Variants in PCDHGA12 observed in about 807,000 individuals in gnomAD.
The protein encoded by PCDHGA12 is protocadherin gamma-A12.
In PCDHGA12, 43 loss-of-function variants were observed where a neutral mutation model predicts 61.1. The observed-to-expected ratio is 0.70, with a 90% CI of 0.55 to 0.91. The LOEUF is 0.91. Ranked by LOEUF, PCDHGA12 falls within the 40% of genes least tolerant of loss-of-function variation. PCDHGA12 has a pLI of 0.00. For missense variants in PCDHGA12, 1,236 were observed against 1,227.7 expected (o/e 1.01, Z -0.10); for synonymous variants, 520 against 542.9 (o/e 0.96, Z 0.59).
chr5:141,510,083 G>A (rs2099879432), intron 3 of PCDHGA12, among the ~76,000 whole-genome samples: 1 of 152,104 alleles, frequency 6.6e-6, no homozygotes, highest in Non-Finnish European at 1.5e-5. Flanking sequence ...CAGAGTGCCT[G>A]GCACACAGTA....
At chr5:141,481,647 A>C (rs749515062) in intron 1 of PCDHGA12, among the ~76,000 whole-genome samples, 28 of 151,830 alleles carry the variant, frequency 1.8e-4, no homozygotes, top group African/African-American at 6.5e-4. Context: ...GTGAAACTTC[A>C]TCTCTACTAA....
intron 2 of PCDHGA12, among the ~76,000 whole-genome samples, chr5:141,500,877 A>AT (rs369345007): frequency 0.053 from 6,532 of 122,188 alleles, 326 homozygotes; most frequent in Admixed American, 0.19. Context: ...TTCATTTACA[A>AT]TTTTTTTTTT....
chr5:141,512,275 A>G lies in PCDHGA12; in HGVS notation c.*1102A>G, dbSNP rs368275103. 1 of 152,730 alleles carries G rather than the reference A, an allele frequency of 6.5e-6. No individual in the cohort carries two copies. The highest frequency in any genetic ancestry group is 2.1e-4 in the South Asian group (1 of 4,824). The allele number at this position is 152,730 out of a possible 1,614,324, so 9.5% of individuals were successfully genotyped here. ...GGGTGCTGGGTACTCCAGAGGTGCC[A>G]CTGGTGGAAGGGTCAGCGGAGCCCC... On this transcript the variant is annotated 3_prime_UTR_variant, in exon 4 of 4. Transcript: ENST00000252085.
chr5:141,430,844 A>C lies in PCDHGA12; in HGVS notation c.85A>C (p.Thr29Pro). The change falls in exon 1 of 4, where the codon ACC becomes CCC. Residue 29 changes from threonine (T) to proline (P), a missense_variant. Transcript: ENST00000252085. ...GGGGACTCTGTGGGAGACCGGATGC[A>C]CCCAGATACGCTATTCAGTTCCGGA... ...LLGTLWETGC[T>P]QIRYSVPEEL... 6.4e-7 allele frequency: 1 copy of C among 1,571,464 alleles called. No individual in the cohort carries two copies. The highest frequency in any genetic ancestry group is 8.6e-7 in the Non-Finnish European group (1 of 1,161,758).
intron 1 of PCDHGA12, among the ~76,000 whole-genome samples, chr5:141,466,506 G>A (rs1417729031): frequency 6.6e-6 from 1 of 152,156 alleles, no homozygotes; most frequent in Non-Finnish European, 1.5e-5. Context: ...GCACAGACAA[G>A]ATCATTTTTT....
rs544678317 is a variant in PCDHGA12, at chr5:141,430,911, A to C, written c.152A>C (p.Asp51Ala). The C allele has an allele frequency of 1.9e-5, 31 of 1,607,958 alleles. No homozygotes were observed. The Admixed American group carries it at 2.2e-4, about 11-fold the overall frequency. The part of the protein sequence containing the change: ...KGSRVGDISR[D>A]LGLEPRELAE... ...TCTAGGGTGGGCGACATCTCCAGGG[A>C]CCTGGGGCTGGAGCCCCGGGAGCTC... Residue 51 changes from aspartate (D) to alanine (A), a missense_variant, in exon 1 of 4, where the codon GAC becomes GCC. Asp to Ala is a moderately radical substitution (Grantham distance 126, BLOSUM62 -2). Transcript: ENST00000252085.
At chr5:141,499,272 GT>G (rs772636179) in intron 2 of PCDHGA12, among the ~76,000 whole-genome samples, 3 of 152,122 alleles carry the variant, frequency 2.0e-5, no homozygotes, top group Non-Finnish European at 4.4e-5. Flanking sequence ...TCCCTAGACT[GT>G]TCTCTGATGG....
chr5:141,448,524 T>C (rs1177408162), intron 1 of PCDHGA12, among the ~76,000 whole-genome samples: 1 of 152,194 alleles, frequency 6.6e-6, no homozygotes, highest in Non-Finnish European at 1.5e-5. Context: ...TTATTAAGCA[T>C]CCTGTCAGCA....
At position 141,454,796 on chromosome 5, in the gene PCDHGA12, A is replaced by ATTTTT. The variant is rs61612330; in HGVS notation, c.2424+21638_2424+21642dup. ...AAGGAAATAATCCTCCATGGTTCTA[A>ATTTTT]TTTTTTTTTTTTTTTTTTTTTTTTT... On this transcript the variant is annotated intron_variant, in intron 1 of 3. Coordinates refer to ENST00000252085, the MANE Select transcript of PCDHGA12 (RefSeq NM_003735.3). 4.5e-3 allele frequency among the ~76,000 whole-genome samples: 350 copies of ATTTTT among 77,444 alleles called. 39 individuals are homozygous for ATTTTT. The highest frequency in any genetic ancestry group is 0.016 in the African/African-American group (266 of 16,872). The allele number at this position is 77,444 out of a possible 152,430, so 50.8% of individuals were successfully genotyped here.
chr5:141,497,104 T>C (rs757158984), intron 2 of PCDHGA12, among the ~76,000 whole-genome samples: 44 of 151,910 alleles, frequency 2.9e-4, no homozygotes, highest in Non-Finnish European at 5.9e-4. Context: ...CAGAACTGCT[T>C]GAACCCGGAA....
rs186288044 is a variant in PCDHGA12, at chr5:141,433,652, A to G, written c.2424+469A>G. On this transcript the variant is annotated intron_variant, in intron 1 of 3. Transcript: ENST00000252085. ...GGAGTTTGAGACCAGCCTGACCAAC[A>G]TGGAGAAACCCCGTCTATACTAAAA... is the stretch of plus-strand genomic sequence containing the variant. 1.0e-2 allele frequency among the ~76,000 whole-genome samples: 1,520 copies of G among 152,208 alleles called. 33 individuals are homozygous for G. The highest frequency in any genetic ancestry group is 0.034 in the African/African-American group (1,423 of 41,538).
At chr5:141,446,061 AG>A (rs903957950) in intron 1 of PCDHGA12, among the ~76,000 whole-genome samples, 3 of 152,226 alleles carry the variant, frequency 2.0e-5, no homozygotes, top group African/African-American at 7.2e-5. Context: ...CTTGGATTAA[AG>A]GGGAGGCAGT....
At chr5:141,507,896 G>A (rs1457319438) in intron 3 of PCDHGA12, among the ~76,000 whole-genome samples, 1 of 152,210 alleles carries the variant, frequency 6.6e-6, no homozygotes, top group African/African-American at 2.4e-5. Flanking sequence ...GGTTCCTGAA[G>A]TCCAGCCCAG....
rs560733170 is a variant in PCDHGA12, at chr5:141,503,895, A to G, written c.2484-1498A>G. ...TTGTGCTCACCCACCATGACAAAATATGCACACACACAACGCAACACACAC... is the reference window on the plus strand; with the variant it reads ...TTGTGCTCACCCACCATGACAAAATGTGCACACACACAACGCAACACACAC... On this transcript the variant is annotated intron_variant, in intron 2 of 3. Transcript: ENST00000252085. Among the ~76,000 whole-genome samples, 12 of 152,302 alleles carry G rather than the reference A, an allele frequency of 7.9e-5. No individual in the cohort carries two copies. The South Asian group carries it at 2.1e-3, about 26-fold the overall frequency.
Position 141,494,815 on chromosome 5 carries a change from G to A in PCDHGA12, c.2433G>A (p.Pro811=), listed in dbSNP as rs765344906. 1 of 1,613,976 alleles carries A rather than the reference G, an allele frequency of 6.2e-7. No homozygotes were observed. Among genetic ancestry groups the A allele is most frequent in the South Asian group, 1.1e-5 (1 of 91,072 alleles). ...KDSHGLIEQA[P]PNTDWRFSQA... The stretch of plus-strand genomic sequence containing the variant: ...CTCTGTTTTCTCCACAGCAAGCCCC[G>A]CCCAACACGGACTGGCGTTTCTCTC... The change falls in exon 2 of 4, where the codon CCG becomes CCA. Residue 811 remains proline, a synonymous_variant. Transcript: ENST00000252085.
At chr5:141,452,017 C>T (rs181614467) in intron 1 of PCDHGA12, among the ~76,000 whole-genome samples, 10 of 152,344 alleles carry the variant, frequency 6.6e-5, no homozygotes, top group Non-Finnish European at 1.2e-4. Flanking sequence ...CCAGCCCACA[C>T]TCTGGGGAGA....
In PCDHGA12 at chr5:141,461,525, A is replaced by T. The variant is rs966592635; in HGVS notation, c.2424+28342A>T. ...TTGGTGATTTGTTAGTTCCTTGTAGATTCTGGATACTAGTCCTTTGTCAGA... is the reference window on the plus strand; with the variant it reads ...TTGGTGATTTGTTAGTTCCTTGTAGTTTCTGGATACTAGTCCTTTGTCAGA... On this transcript the variant is annotated intron_variant, in intron 1 of 3. Coordinates refer to ENST00000252085, the MANE Select transcript of PCDHGA12 (RefSeq NM_003735.3). 5.3e-5 allele frequency among the ~76,000 whole-genome samples: 8 copies of T among 152,106 alleles called. No individual in the cohort carries two copies. The South Asian group carries it at 1.7e-3, about 31-fold the overall frequency.
chr5:141,501,300 C>T (rs867143352), intron 2 of PCDHGA12, among the ~76,000 whole-genome samples: 2,626 of 150,646 alleles, frequency 0.017, 74 homozygotes, highest in African/African-American at 0.06. Context: ...TACACACACA[C>T]ACACACACAC....
chr5:141,459,947 A>T (rs2098978538), intron 1 of PCDHGA12, among the ~76,000 whole-genome samples: 1 of 152,200 alleles, frequency 6.6e-6, no homozygotes, highest in African/African-American at 2.4e-5. Context: ...GCGTGATGGC[A>T]GGTGCCTGTA....
Sources: allele counts gnomAD v4.1 joint callset (sites outside exome capture counted in the v4.1 genomes callset), GRCh38; gene constraint gnomAD v4.1.1; transcripts MANE v1.5; gene names NCBI Gene and HGNC (gene_info 2026-07-23, HGNC 2026-07-21).